Variants in BTBD10 observed in about 807,000 individuals in gnomAD.
BTBD10 encodes BTB domain containing 10, also known as BTB/POZ domain-containing protein 10.
BTBD10 carries 21 observed loss-of-function variants against 53.2 expected under a neutral mutation model. That is an observed-to-expected ratio of 0.39 (90% CI 0.28 to 0.57). BTBD10 has a LOEUF of 0.57. BTBD10 is among the 20% of genes least tolerant of loss of function. The pLI is 0.53. For missense variants in BTBD10, 360 were observed against 594.7 expected (o/e 0.61, Z 4.10); for synonymous variants, 149 against 192.7 (o/e 0.77, Z 1.88).
chr11:13,449,047 G>A (rs1373529660), intron 1 of BTBD10, among the ~76,000 whole-genome samples: 2 of 152,156 alleles, frequency 1.3e-5, no homozygotes, highest in African/African-American at 4.8e-5. Context: ...TCAGGAGACT[G>A]CCAAAAGTTA....
intron 8 of BTBD10, among the ~76,000 whole-genome samples, chr11:13,397,312 T>G (rs1040316861): frequency 6.6e-6 from 1 of 152,230 alleles, no homozygotes; most frequent in Non-Finnish European, 1.5e-5. Flanking sequence ...CTTTTAGATT[T>G]TCTAGTTTAT....
rs752338508 is a variant in BTBD10 at position 13,415,491 on chromosome 11, C to T, written c.687+1667G>A. The stretch of plus-strand genomic sequence containing the variant: ...AAATCAAGCAGCTGACCAACAGCAC[C>T]TCCTCCCTGCTCCTTCTCCCCAGTA... On this transcript the variant is annotated intron_variant, in intron 5 of 8. Coordinates refer to ENST00000278174, the MANE Select transcript of BTBD10 (RefSeq NM_032320.7). 1.1e-3 allele frequency among the ~76,000 whole-genome samples: 160 copies of T among 152,092 alleles called. 2 individuals carry two copies. The highest frequency in any genetic ancestry group is 2.0e-3 in the Non-Finnish European group (136 of 67,988).
chr11:13,394,347 G>A (rs1233777242), intron 8 of BTBD10, among the ~76,000 whole-genome samples: 2 of 152,098 alleles, frequency 1.3e-5, no homozygotes, highest in South Asian at 2.1e-4. Context: ...GAGATCTGAC[G>A]GTTTAAAAGT....
chr11:13,441,617 A>G (rs1321772969), intron 2 of BTBD10, among the ~76,000 whole-genome samples: 2 of 152,156 alleles, frequency 1.3e-5, no homozygotes, highest in African/African-American at 2.4e-5. Context: ...TATAAATCAA[A>G]TAATTTATTT....
chr11:13,409,557 T>C (rs745968619), intron 6 of BTBD10, among the ~76,000 whole-genome samples: 34 of 152,138 alleles, frequency 2.2e-4, no homozygotes, highest in Admixed American at 3.9e-4. Context: ...CTAGCAACAT[T>C]TGCCTTTTTT....
intron 2 of BTBD10, chr11:13,440,066 A>G (rs1260489897): frequency 4.6e-6 from 7 of 1,528,688 alleles, no homozygotes; most frequent in Non-Finnish European, 6.1e-6. Flanking sequence ...CCTCTGAACA[A>G]TCAGAAAATT....
chr11:13,393,714 G>C (rs939626170), intron 8 of BTBD10, among the ~76,000 whole-genome samples: 2 of 152,026 alleles, frequency 1.3e-5, no homozygotes, highest in Admixed American at 6.6e-5. Flanking sequence ...ATAGATTGTA[G>C]TACACAGGCA....
chr11:13,425,678 T>C (rs930772625), intron 2 of BTBD10, among the ~76,000 whole-genome samples: 5 of 152,170 alleles, frequency 3.3e-5, no homozygotes, highest in Admixed American at 6.5e-5. Flanking sequence ...AAAATGACTA[T>C]AGTTAACAAT....
chr11:13,454,389 C>T (rs1185022556), intron 1 of BTBD10, among the ~76,000 whole-genome samples: 1 of 152,194 alleles, frequency 6.6e-6, no homozygotes, highest in Non-Finnish European at 1.5e-5. Context: ...TAAGTTTCCC[C>T]AAAACATTCC....
intron 4 of BTBD10, among the ~76,000 whole-genome samples, chr11:13,418,853 C>A (rs1207618151): frequency 6.6e-6 from 1 of 151,948 alleles, no homozygotes; most frequent in African/African-American, 2.4e-5. Context: ...TTGTCTATAT[C>A]CTTCTTAGAC....
intron 1 of BTBD10, among the ~76,000 whole-genome samples, chr11:13,461,495 A>G (rs1951095676): frequency 6.6e-6 from 1 of 152,166 alleles, no homozygotes; most frequent in South Asian, 2.1e-4. Flanking sequence ...ATGGCTTTGA[A>G]AGGTGCACAA....
chr11:13,391,235 C>A (rs1297198752), intron 8 of BTBD10, among the ~76,000 whole-genome samples: 1 of 152,128 alleles, frequency 6.6e-6, no homozygotes, highest in African/African-American at 2.4e-5. Flanking sequence ...CTCTAGAGTT[C>A]TTAAATACAC....
chr11:13,393,728 A>T (rs377463221), intron 8 of BTBD10, among the ~76,000 whole-genome samples: 1 of 152,198 alleles, frequency 6.6e-6, no homozygotes, highest in Non-Finnish European at 1.5e-5. Context: ...ACAGGCAACT[A>T]ATATTGGCTA....
intron 8 of BTBD10, among the ~76,000 whole-genome samples, chr11:13,389,953 A>G (rs760713952): frequency 2.0e-5 from 3 of 152,182 alleles, no homozygotes; most frequent in Non-Finnish European, 4.4e-5. Flanking sequence ...TATCATTTTA[A>G]CATTACTACT....
chr11:13,427,480 A>G (rs72857022), intron 2 of BTBD10, among the ~76,000 whole-genome samples: 24,459 of 152,152 alleles, frequency 0.16, 2,126 homozygotes, highest in Admixed American at 0.24. Context: ...AAATACAGGA[A>G]GCAAAAACTG....
At chr11:13,400,545 C>T (rs1949690668) in intron 8 of BTBD10, among the ~76,000 whole-genome samples, 1 of 150,142 alleles carries the variant, frequency 6.7e-6, no homozygotes, top group African/African-American at 2.5e-5. Flanking sequence ...GTGCGCTGCA[C>T]CCACTGTCCT....
At chr11:13,397,119 C>A (rs1371777988) in intron 8 of BTBD10, among the ~76,000 whole-genome samples, 1 of 152,206 alleles carries the variant, frequency 6.6e-6, no homozygotes, top group Non-Finnish European at 1.5e-5. Flanking sequence ...AGGAATGGTA[C>A]CAGCTCCTCC....
chr11:13,396,720 T>G (rs150077808), intron 8 of BTBD10, among the ~76,000 whole-genome samples: 1 of 152,166 alleles, frequency 6.6e-6, no homozygotes, highest in African/African-American at 2.4e-5. Context: ...GTTCCATCAA[T>G]ATCTAATTTA....
intron 1 of BTBD10, among the ~76,000 whole-genome samples, chr11:13,448,986 T>C (rs1465032621): frequency 1.3e-5 from 2 of 152,102 alleles, no homozygotes; most frequent in Non-Finnish European, 2.9e-5. Flanking sequence ...AATCTAGAAA[T>C]CATCTGTACA....
Sources: allele counts gnomAD v4.1 joint callset (sites outside exome capture counted in the v4.1 genomes callset), GRCh38; gene constraint gnomAD v4.1.1; transcripts MANE v1.5; gene names NCBI Gene and HGNC (gene_info 2026-07-23, HGNC 2026-07-21).